PKD1L1: variants seen among roughly 807,000 people sequenced by gnomAD.
The protein encoded by PKD1L1 is polycystin 1 like 1, transient receptor potential channel interacting, also known as polycystin-1-like protein 1.
Under a neutral mutation model 323.4 loss-of-function variants are expected in PKD1L1, and 236 were observed. That is an observed-to-expected ratio of 0.73 (90% CI 0.66 to 0.81). PKD1L1 has a LOEUF of 0.81. Ranked by LOEUF, PKD1L1 falls within the 40% of genes least tolerant of loss-of-function variation. The probability of loss-of-function intolerance (pLI) is 0.00; values close to 1 mark genes in which losing one functional copy is unlikely to be tolerated. For synonymous variants in PKD1L1, 1,344 were observed against 1,335.0 expected (o/e 1.01, Z -0.15); for missense variants, 3,320 against 3,508.0 (o/e 0.95, Z 1.35).
At chr7:47,818,627 T>A (rs895886197) in intron 46 of PKD1L1, among the ~76,000 whole-genome samples, 1 of 152,140 alleles carries the variant, frequency 6.6e-6, no homozygotes, top group African/African-American at 2.4e-5. Context: ...AAAGTGCAGG[T>A]AGTGAACCAA....
chr7:47,799,104 C>T (rs1413095702), intron 54 of PKD1L1, among the ~76,000 whole-genome samples: 2 of 152,286 alleles, frequency 1.3e-5, no homozygotes, highest in East Asian at 1.9e-4. Flanking sequence ...ATCTTTGTTT[C>T]GCCATTGCCT....
chr7:47,891,760 T>C (rs1157271872), intron 15 of PKD1L1, among the ~76,000 whole-genome samples: 1 of 152,186 alleles, frequency 6.6e-6, no homozygotes, highest in Non-Finnish European at 1.5e-5. Context: ...CAGCCACACA[T>C]GGAGCTCTTG....
chr7:47,956,647 T>TA, the PKD1L1 span: 1 of 152,166 alleles, frequency 6.6e-6, no homozygotes, highest in East Asian at 1.9e-4. Flanking sequence ...TATCAATGTA[T>TA]AACTACAAAG....
chr7:47,910,061 C>T (rs912790090), intron 8 of PKD1L1, among the ~76,000 whole-genome samples: 9 of 152,152 alleles, frequency 5.9e-5, no homozygotes, highest in Middle Eastern at 3.2e-3. Flanking sequence ...AATTTTCTTA[C>T]AATACTGCTC....
Position 47,840,366 on chromosome 7 carries a change from G to T in PKD1L1, c.5552+95C>A. 1.2e-6 allele frequency: 1 copy of T among 817,754 alleles called. No individual in the cohort carries two copies. The highest frequency in any genetic ancestry group is 2.0e-6 in the Non-Finnish European group (1 of 491,024). The allele number at this position is 817,754 out of a possible 1,614,324, so 50.7% of individuals were successfully genotyped here. On this transcript the variant is annotated intron_variant, in intron 35 of 56. Coordinates refer to ENST00000289672, the MANE Select transcript of PKD1L1 (RefSeq NM_138295.5). The surrounding 1 kb of genome is among the most constrained non-coding windows in gnomAD (Gnocchi z 4.1). Reference sequence around the variant, plus strand: ...TCGATGCTCACTATTAGAGACCAATGTTATGTATTCTACTGTTTTGTATTT... The same window carrying T: ...TCGATGCTCACTATTAGAGACCAATTTTATGTATTCTACTGTTTTGTATTT...
At position 47,905,264 on chromosome 7, in the gene PKD1L1, A is replaced by T; in HGVS notation, c.1584T>A (p.Ala528=). 6.2e-7 allele frequency: 1 copy of T among 1,614,206 alleles called. No homozygotes were observed. The highest frequency in any genetic ancestry group is 8.5e-7 in the Non-Finnish European group (1 of 1,180,030). Residue 528 remains alanine, a synonymous_variant, in exon 11 of 57, where the codon GCT becomes GCA. Coordinates refer to ENST00000289672, the MANE Select transcript of PKD1L1 (RefSeq NM_138295.5). The stretch of plus-strand genomic sequence containing the variant: ...CCAGGGGTATTGTTTCCTTGGTAAC[A>T]GCTGTAAATGTAATGTCTGTGTCTG... The part of the protein sequence containing the change: ...FATDTDITFT[A]VTKETIPLEF...
chr7:47,790,389 G>A (rs1786913883), intron 56 of PKD1L1, among the ~76,000 whole-genome samples: 1 of 151,494 alleles, frequency 6.6e-6, no homozygotes, highest in African/African-American at 2.4e-5. Context: ...GAGGTGCAGT[G>A]GCACAATCTC....
chr7:47,859,162 G>A (rs1785970750), intron 26 of PKD1L1, among the ~76,000 whole-genome samples: 1 of 152,198 alleles, frequency 6.6e-6, no homozygotes, highest in Non-Finnish European at 1.5e-5. Flanking sequence ...GCTGCTTTTT[G>A]ATATTCGGCC....
intron 53 of PKD1L1, 74 bp from the exon 54 acceptor site, chr7:47,800,953 T>G: frequency 7.3e-7 from 1 of 1,367,396 alleles, no homozygotes; most frequent in South Asian, 1.2e-5. Flanking sequence ...CTTCCAAATG[T>G]TGAAAATAGA....
In PKD1L1 at chr7:47,834,400, T is replaced by C. The variant is rs1389561105; in HGVS notation, c.6128-15A>G. The C allele has an allele frequency of 7.4e-6, 12 of 1,611,974 alleles. No individual in the cohort carries two copies. The highest frequency in any genetic ancestry group is 1.0e-5 in the Non-Finnish European group (12 of 1,178,282). ...GGAATTAGGACCTGATTCAAAAAAATAAAAATCCAATGTACGATGCTTTGG... is the reference window on the plus strand; with the variant it reads ...GGAATTAGGACCTGATTCAAAAAAACAAAAATCCAATGTACGATGCTTTGG... On this transcript the variant is annotated splice_polypyrimidine_tract_variant and intron_variant, in intron 39 of 56. Transcript: ENST00000289672.
chr7:47,816,405 G>A (rs961387648), intron 46 of PKD1L1, among the ~76,000 whole-genome samples: 1 of 152,204 alleles, frequency 6.6e-6, no homozygotes, highest in East Asian at 1.9e-4. Flanking sequence ...ACAGGCCAAG[G>A]CTGTGCATGG....
At chr7:47,790,013 C>T (rs531764162) in intron 56 of PKD1L1, among the ~76,000 whole-genome samples, 30 of 152,020 alleles carry the variant, frequency 2.0e-4, no homozygotes, top group Admixed American at 7.9e-4. Flanking sequence ...CTCAGCCTCC[C>T]GAGTAGCTGG....
In PKD1L1 at chr7:47,774,796, G is replaced by T; in HGVS notation, c.*347C>A. The T allele has an allele frequency of 1.1e-5, 2 of 188,826 alleles. No homozygotes were observed. Among genetic ancestry groups the T allele is most frequent in the Non-Finnish European group, 2.2e-5 (2 of 92,574 alleles). The allele number at this position is 188,826 out of a possible 1,614,324, so 11.7% of individuals were successfully genotyped here. ...ATGAGACCTGAAAGAAATTTCACAAGATACAAGGCTTTTAATACTCAGACA... is the reference window on the plus strand; with the variant it reads ...ATGAGACCTGAAAGAAATTTCACAATATACAAGGCTTTTAATACTCAGACA... On this transcript the variant is annotated 3_prime_UTR_variant, in exon 57 of 57. Coordinates refer to ENST00000289672, the MANE Select transcript of PKD1L1 (RefSeq NM_138295.5).
chr7:47,927,293 T>G (rs1264367128), intron 7 of PKD1L1, among the ~76,000 whole-genome samples: 2 of 152,152 alleles, frequency 1.3e-5, no homozygotes, highest in African/African-American at 4.8e-5. Flanking sequence ...TTTCTTTTTT[T>G]TTTGAGATGG....
At position 47,781,661 on chromosome 7, in the gene PKD1L1, A is replaced by G. The variant is rs566142512; in HGVS notation, c.8527-6495T>C. On this transcript the variant is annotated intron_variant, in intron 56 of 56. Coordinates refer to ENST00000289672, the MANE Select transcript of PKD1L1 (RefSeq NM_138295.5). ...CCTGACGTAGTGATCCGCCCGCCTC[A>G]GCCTCCCAAAGTGCTGGGATTACAG... Among the ~76,000 whole-genome samples, 269 of 152,140 alleles carry G rather than the reference A, an allele frequency of 1.8e-3. 2 individuals are homozygous for G. The highest frequency in any genetic ancestry group is 3.3e-3 in the Non-Finnish European group (224 of 67,992).
intron 54 of PKD1L1, among the ~76,000 whole-genome samples, chr7:47,797,010 A>AC (rs1377657605): frequency 6.6e-6 from 1 of 151,106 alleles, no homozygotes; most frequent in East Asian, 2.0e-4. Flanking sequence ...AAAAAAAAAA[A>AC]AAAAAACACC....
chr7:47,783,391 T>C (rs1018530489), intron 56 of PKD1L1, among the ~76,000 whole-genome samples: 2 of 151,478 alleles, frequency 1.3e-5, no homozygotes, highest in Non-Finnish European at 3.0e-5. Context: ...TTTAGTTTTG[T>C]CAGATTAGTG....
intron 46 of PKD1L1, chr7:47,819,553 G>T: frequency 1.5e-6 from 2 of 1,362,814 alleles, no homozygotes; most frequent in Non-Finnish European, 2.0e-6. Context: ...TAGGAGAGCT[G>T]AAAAGTTGGT....
Position 47,818,247 on chromosome 7 carries a change from G to A in PKD1L1, c.6966-2790C>T, listed in dbSNP as rs551928043. The A allele has an allele frequency of 3.9e-6, 5 of 1,290,040 alleles. No individual in the cohort carries two copies. In the African/African-American group the frequency reaches 6.1e-5, roughly 16 times the overall value. 79.9% of individuals were successfully genotyped at this position (1,290,040 alleles called of 1,614,324 possible). A position where few individuals can be genotyped will look rare whatever the true frequency, so the allele number is the denominator to read the frequency against. Reference sequence around the variant, plus strand: ...TCACGCCAAAGGAAAGGAAGAATGAGCCAGGGGGCACAGAGATGCAGTGAA... The same window carrying A: ...TCACGCCAAAGGAAAGGAAGAATGAACCAGGGGGCACAGAGATGCAGTGAA... On this transcript the variant is annotated intron_variant, in intron 46 of 56. Transcript: ENST00000289672.
Sources: allele counts gnomAD v4.1 joint callset (sites outside exome capture counted in the v4.1 genomes callset), GRCh38; gene constraint gnomAD v4.1.1; non-coding constraint Gnocchi (gnomAD v3.1); transcripts MANE v1.5; gene names NCBI Gene and HGNC (gene_info 2026-07-23, HGNC 2026-07-21).